Variants in OPCML observed in about 807,000 individuals in gnomAD.
The protein encoded by OPCML is opioid-binding protein/cell adhesion molecule.
OPCML carries 13 observed loss-of-function variants against 37.8 expected under a neutral mutation model. That is an observed-to-expected ratio of 0.34 (90% CI 0.22 to 0.55). OPCML has a LOEUF of 0.55. OPCML is among the 20% of genes least tolerant of loss of function. OPCML has a pLI of 0.91. For missense variants in OPCML, 341 were observed against 435.6 expected (o/e 0.78, Z 1.93); for synonymous variants, 176 against 168.8 (o/e 1.04, Z -0.33).
intron 1 of OPCML, among the ~76,000 whole-genome samples, chr11:132,947,984 C>T (rs56185425): frequency 0.035 from 5,264 of 152,272 alleles, 122 homozygotes; most frequent in Middle Eastern, 0.061. Context: ...AAAGTTTCAG[C>T]TTTTGGATTT....
chr11:133,323,673 G>A (rs1943386130), intron 1 of OPCML, among the ~76,000 whole-genome samples: 1 of 152,200 alleles, frequency 6.6e-6, no homozygotes, highest in Non-Finnish European at 1.5e-5. Flanking sequence ...GGCAGGAGAA[G>A]TGAATATCAC....
chr11:132,646,601 G>A (rs1941162695), intron 3 of OPCML, among the ~76,000 whole-genome samples: 1 of 152,178 alleles, frequency 6.6e-6, no homozygotes, highest in Non-Finnish European at 1.5e-5. Flanking sequence ...GAAGGTAGTG[G>A]TTGTGGGAAC....
chr11:132,560,663 A>G (rs918200029), intron 3 of OPCML, among the ~76,000 whole-genome samples: 21 of 152,186 alleles, frequency 1.4e-4, no homozygotes, highest in African/African-American at 4.8e-4. Context: ...GTTTTGATTT[A>G]CATTTCCCTG....
At chr11:132,783,846 A>C (rs1445062441) in intron 2 of OPCML, among the ~76,000 whole-genome samples, 1 of 152,184 alleles carries the variant, frequency 6.6e-6, no homozygotes, top group Non-Finnish European at 1.5e-5. Context: ...CTCTGAAATC[A>C]ATTTGGTCTG....
At chr11:132,677,160 C>T (rs1942746855) in intron 2 of OPCML, among the ~76,000 whole-genome samples, 1 of 151,754 alleles carries the variant, frequency 6.6e-6, no homozygotes, top group Non-Finnish European at 1.5e-5. Flanking sequence ...TTAGCACTCC[C>T]AAAATGAGAT....
rs796118678 is a variant in OPCML, at chr11:132,587,069, G to A, written c.380-57883C>T. 3.5e-4 allele frequency among the ~76,000 whole-genome samples: 54 copies of A among 152,316 alleles called. 1 individual carries two copies. Among genetic ancestry groups the A allele is most frequent in the African/African-American group, 1.3e-3 (52 of 41,574 alleles). ...ATCCAGAATAGAAAGCTGCTCTGCAGCCAGTCCAGGCTGCAGTGCAAGCAT... is the reference window on the plus strand; with the variant it reads ...ATCCAGAATAGAAAGCTGCTCTGCAACCAGTCCAGGCTGCAGTGCAAGCAT... On this transcript the variant is annotated intron_variant, in intron 3 of 7. Transcript: ENST00000524381.
intron 2 of OPCML, among the ~76,000 whole-genome samples, chr11:132,778,961 CTTTTTTTTTTTT>C (rs10657036): frequency 1.1e-5 from 1 of 87,944 alleles, no homozygotes; most frequent in Non-Finnish European, 2.1e-5. Context: ...TGGTATATTT[CTTTTTTTTTTTT>C]TTTTTTTTTT....
intron 2 of OPCML, among the ~76,000 whole-genome samples, chr11:132,728,181 G>GC (rs746330525): frequency 2.3e-3 from 348 of 152,114 alleles, no homozygotes; most frequent in Non-Finnish European, 3.4e-3. Context: ...CCCGGACAGC[G>GC]CCCGCACCCT....
chr11:133,114,057 AT>A (rs1296585536), intron 1 of OPCML, among the ~76,000 whole-genome samples: 2 of 152,228 alleles, frequency 1.3e-5, no homozygotes, highest in Non-Finnish European at 2.9e-5. Context: ...TAAGTACAAA[AT>A]AAACAGAATA....
At chr11:133,135,384 G>A (rs1949672897) in intron 1 of OPCML, among the ~76,000 whole-genome samples, 1 of 150,652 alleles carries the variant, frequency 6.6e-6, no homozygotes, top group Non-Finnish European at 1.5e-5. Context: ...CAACAGCTTT[G>A]CCTCTTTCCT....
At chr11:132,463,365 G>A (rs939319680) in intron 4 of OPCML, among the ~76,000 whole-genome samples, 10 of 152,172 alleles carry the variant, frequency 6.6e-5, no homozygotes, top group African/African-American at 2.4e-4. Context: ...AACCTAGAGT[G>A]GGCGCCTGGA....
intron 3 of OPCML, among the ~76,000 whole-genome samples, chr11:132,645,278 G>A (rs1023354768): frequency 6.6e-6 from 1 of 152,150 alleles, no homozygotes. Flanking sequence ...GGACTTGAAG[G>A]GAATAAATCC....
chr11:132,931,767 A>G (rs1945210922), intron 2 of OPCML, among the ~76,000 whole-genome samples: 1 of 152,234 alleles, frequency 6.6e-6, no homozygotes, highest in Non-Finnish European at 1.5e-5. Context: ...CAAAAAAATT[A>G]AACATACAAT....
intron 2 of OPCML, among the ~76,000 whole-genome samples, chr11:132,735,514 T>C (rs1945224937): frequency 6.6e-6 from 1 of 151,984 alleles, no homozygotes; most frequent in Non-Finnish European, 1.5e-5. Context: ...TGAGACAGAG[T>C]CTCACTCTGT....
intron 1 of OPCML, among the ~76,000 whole-genome samples, chr11:133,531,744 G>GA (rs1948608537): frequency 7.3e-6 from 1 of 137,148 alleles, no homozygotes; most frequent in Non-Finnish European, 1.6e-5. Flanking sequence ...AGGTGGAGAG[G>GA]GAGAGAGAGA....
intron 4 of OPCML, among the ~76,000 whole-genome samples, chr11:132,520,364 T>C (rs969863449): frequency 3.9e-5 from 6 of 152,188 alleles, no homozygotes; most frequent in Admixed American, 2.6e-4. Context: ...ACTTAACCTT[T>C]CCATCTGTTT....
intron 1 of OPCML, among the ~76,000 whole-genome samples, chr11:133,316,320 A>C (rs555315240): frequency 7.2e-5 from 11 of 152,338 alleles, no homozygotes; most frequent in African/African-American, 2.6e-4. Context: ...CTAGATATTC[A>C]CAGAAAGAAT....
chr11:132,844,349 G>T (rs560076307), intron 2 of OPCML, among the ~76,000 whole-genome samples: 7 of 152,298 alleles, frequency 4.6e-5, no homozygotes, highest in African/African-American at 1.7e-4. Context: ...GGAAAAGGGA[G>T]AACAGTCCAT....
At chr11:133,081,739 C>A (rs994423632) in intron 1 of OPCML, among the ~76,000 whole-genome samples, 1 of 152,146 alleles carries the variant, frequency 6.6e-6, no homozygotes, top group Admixed American at 6.5e-5. Flanking sequence ...GTACTCATCA[C>A]CCAATCCAGA....
Sources: allele counts gnomAD v4.1 joint callset (sites outside exome capture counted in the v4.1 genomes callset), GRCh38; gene constraint gnomAD v4.1.1; transcripts MANE v1.5; gene names NCBI Gene and HGNC (gene_info 2026-07-23, HGNC 2026-07-21).